MARCHF1: variants seen among roughly 807,000 people sequenced by gnomAD.
The protein encoded by MARCHF1 is E3 ubiquitin-protein ligase MARCHF1.
A neutral mutation model predicts 54.2 loss-of-function variants in MARCHF1; 40 were observed. That is an observed-to-expected ratio of 0.74 (90% CI 0.57 to 0.96). The LOEUF (loss-of-function observed/expected upper bound fraction) is 0.96. Among genes scored for constraint, MARCHF1 ranks in the 40% least tolerant of loss-of-function variants. The probability of loss-of-function intolerance (pLI) is 0.00; values close to 1 mark genes in which losing one functional copy is unlikely to be tolerated. For synonymous variants in MARCHF1, 236 were observed against 236.3 expected (o/e 1.00, Z 0.01); for missense variants, 586 against 656.5 (o/e 0.89, Z 1.17).
chr4:164,281,450 C>T (rs1439660329), intron 1 of MARCHF1, among the ~76,000 whole-genome samples: 1 of 152,088 alleles, frequency 6.6e-6, no homozygotes, highest in Admixed American at 6.6e-5. Flanking sequence ...GAGTAAAATG[C>T]TTTCCTAGGG....
intron 9 of MARCHF1, among the ~76,000 whole-genome samples, chr4:163,542,860 GT>G (rs1738765015): frequency 2.0e-5 from 3 of 152,210 alleles, no homozygotes; most frequent in African/African-American, 7.2e-5. Flanking sequence ...GCTGTAATGA[GT>G]TTCCCAGAGG....
chr4:164,006,034 C>G (rs1030747626), intron 2 of MARCHF1, among the ~76,000 whole-genome samples: 2 of 151,878 alleles, frequency 1.3e-5, no homozygotes, highest in Non-Finnish European at 2.9e-5. Context: ...TCATCCAAAG[C>G]AAAGATATAG....
In MARCHF1 at chr4:163,941,051, G is replaced by A. The variant is rs1211765509; in HGVS notation, c.-39+47450C>T. Among the ~76,000 whole-genome samples the A allele has an allele frequency of 3.9e-5, 6 of 152,198 alleles. No individual in the cohort carries two copies. In the East Asian group the frequency reaches 1.2e-3, roughly 29 times the overall value. Reference sequence around the variant, plus strand: ...CTAGCTAAAGACAAAATAATACAAGGATTAAATAGCACCCTGCTTAAATTT... The same window carrying A: ...CTAGCTAAAGACAAAATAATACAAGAATTAAATAGCACCCTGCTTAAATTT... On this transcript the variant is annotated intron_variant, in intron 3 of 9. Coordinates refer to ENST00000514618, the MANE Select transcript of MARCHF1 (RefSeq NM_001394959.1).
At chr4:163,709,235 A>G (rs1392367616) in intron 4 of MARCHF1, among the ~76,000 whole-genome samples, 2 of 152,074 alleles carry the variant, frequency 1.3e-5, no homozygotes, top group African/African-American at 2.4e-5. Flanking sequence ...AGGCAGGCCC[A>G]TGGGAGTAGT....
intron 9 of MARCHF1, among the ~76,000 whole-genome samples, chr4:163,545,197 C>T (rs1436400428): frequency 1.3e-5 from 2 of 152,150 alleles, no homozygotes; most frequent in African/African-American, 4.8e-5. Context: ...ACTGGAATGC[C>T]ATCTCCTTCA....
At chr4:164,382,948 A>G (rs1731418455) in intron 1 of MARCHF1, among the ~76,000 whole-genome samples, 1 of 152,236 alleles carries the variant, frequency 6.6e-6, no homozygotes. Flanking sequence ...ATTGCCAGGA[A>G]AACGTGAGGC....
At chr4:164,173,227 T>C (rs1484752742) in intron 1 of MARCHF1, among the ~76,000 whole-genome samples, 2 of 152,216 alleles carry the variant, frequency 1.3e-5, no homozygotes, top group Non-Finnish European at 2.9e-5. Flanking sequence ...AAGTCTATAG[T>C]AAGAACGCTG....
intron 1 of MARCHF1, among the ~76,000 whole-genome samples, chr4:164,263,223 T>A (rs1331968412): frequency 6.6e-6 from 1 of 151,716 alleles, no homozygotes; most frequent in Non-Finnish European, 1.5e-5. Context: ...AAAATTAAGG[T>A]AAAAAAGACA....
At chr4:163,667,244 G>A (rs1045654291) in intron 5 of MARCHF1, among the ~76,000 whole-genome samples, 6 of 152,062 alleles carry the variant, frequency 3.9e-5, no homozygotes, top group Admixed American at 6.6e-5. Flanking sequence ...GTGCTGGAGC[G>A]TGGCATTATC....
At chr4:163,870,052 C>G (rs1750137932) in intron 3 of MARCHF1, among the ~76,000 whole-genome samples, 1 of 152,080 alleles carries the variant, frequency 6.6e-6, no homozygotes, top group Admixed American at 6.6e-5. Context: ...TTCTAAAAAT[C>G]TGACACTCAA....
chr4:164,382,002 C>T (rs1225382631), intron 1 of MARCHF1, among the ~76,000 whole-genome samples: 1 of 152,202 alleles, frequency 6.6e-6, no homozygotes, highest in African/African-American at 2.4e-5. Flanking sequence ...ACATTGGTCT[C>T]TCAACATAGC....
At chr4:163,723,642 C>T (rs1431109637) in intron 4 of MARCHF1, among the ~76,000 whole-genome samples, 4 of 152,170 alleles carry the variant, frequency 2.6e-5, no homozygotes, top group African/African-American at 7.2e-5. Context: ...TCCATTCTCC[C>T]CATCACTTTC....
At chr4:164,340,236 T>C (rs954728380) in intron 1 of MARCHF1, among the ~76,000 whole-genome samples, 2 of 150,230 alleles carry the variant, frequency 1.3e-5, no homozygotes, top group African/African-American at 4.9e-5. Flanking sequence ...AAACTCATTT[T>C]TCTTTTTTTT....
intron 8 of MARCHF1, among the ~76,000 whole-genome samples, chr4:163,546,824 G>T (rs1419850242): frequency 1.3e-5 from 2 of 152,140 alleles, no homozygotes; most frequent in African/African-American, 4.8e-5. Flanking sequence ...CTCCATAAGG[G>T]AATATCTCCC....
chr4:164,304,506 A>T (rs1023506727), intron 1 of MARCHF1, among the ~76,000 whole-genome samples: 1 of 152,190 alleles, frequency 6.6e-6, no homozygotes, highest in Non-Finnish European at 1.5e-5. Context: ...CAGTGGTCAG[A>T]TCTGGCACAG....
At chr4:163,535,829 T>G (rs78030827) in intron 9 of MARCHF1, among the ~76,000 whole-genome samples, 2,314 of 151,380 alleles carry the variant, frequency 0.015, 38 homozygotes, top group Admixed American at 0.048. Flanking sequence ...AAACACTGAC[T>G]CAGTGTAGAC....
intron 2 of MARCHF1, among the ~76,000 whole-genome samples, chr4:164,056,137 C>A (rs991807807): frequency 6.6e-6 from 1 of 152,158 alleles, no homozygotes; most frequent in African/African-American, 2.4e-5. Context: ...TTACCGTTTT[C>A]TAGTGCAATG....
intron 4 of MARCHF1, among the ~76,000 whole-genome samples, chr4:163,741,815 C>G (rs1378482685): frequency 6.6e-6 from 1 of 152,020 alleles, no homozygotes; most frequent in African/African-American, 2.4e-5. Context: ...ATATCTCCAG[C>G]GAAGTCACAG....
chr4:163,684,436 G>C (rs1230464464), intron 5 of MARCHF1, among the ~76,000 whole-genome samples: 1 of 152,116 alleles, frequency 6.6e-6, no homozygotes, highest in Admixed American at 6.5e-5. Context: ...TCAAAAGAAA[G>C]CCAGCATTTG....
Sources: allele counts gnomAD v4.1 joint callset (sites outside exome capture counted in the v4.1 genomes callset), GRCh38; gene constraint gnomAD v4.1.1; transcripts MANE v1.5; gene names NCBI Gene and HGNC (gene_info 2026-07-23, HGNC 2026-07-21).